TRPM3: variants seen among roughly 807,000 people sequenced by gnomAD.
TRPM3 encodes the protein long transient receptor potential channel 3.
Under a neutral mutation model 181.2 loss-of-function variants are expected in TRPM3, and 77 were observed. The observed-to-expected ratio is 0.42, with a 90% CI of 0.35 to 0.51. TRPM3 has a LOEUF of 0.51. TRPM3 is among the 20% of genes least tolerant of loss of function. TRPM3 has a pLI of 0.01. For missense variants in TRPM3, 1,759 were observed against 2,196.7 expected (o/e 0.80, Z 3.98); for synonymous variants, 745 against 796.4 (o/e 0.94, Z 1.09).
Position 70,619,099 on chromosome 9 carries a change from A to C in TRPM3, c.2130-4T>G. ...CACAGCCAGCTGGCCAAAGTCTCTG[A>C]AAGACAGAATGGGTGGAAGAGTCCT... On this transcript the variant is annotated splice_region_variant and splice_polypyrimidine_tract_variant and intron_variant, in intron 16 of 25. Coordinates refer to ENST00000677713, the MANE Select transcript of TRPM3 (RefSeq NM_001366145.2). 6.2e-7 allele frequency: 1 copy of C among 1,611,572 alleles called. No individual in the cohort carries two copies. Among genetic ancestry groups the C allele is most frequent in the Non-Finnish European group, 8.5e-7 (1 of 1,178,814 alleles).
At chr9:71,299,689 T>G (rs11142794) in intron 1 of TRPM3, among the ~76,000 whole-genome samples, 27,690 of 152,044 alleles carry the variant, frequency 0.18, 2,761 homozygotes, top group Admixed American at 0.27. Context: ...CAAAGAACTT[T>G]CCATGTAAAA....
At chr9:71,393,199 C>A (rs2093105209) in intron 1 of TRPM3, among the ~76,000 whole-genome samples, 1 of 152,056 alleles carries the variant, frequency 6.6e-6, no homozygotes, top group African/African-American at 2.4e-5. Flanking sequence ...GACTTTCAGG[C>A]CTATTGAGGT....
chr9:70,616,127 T>A, intron 17 of TRPM3, 52 bp from the exon 18 acceptor site: 1 of 1,412,926 alleles, frequency 7.1e-7, no homozygotes, highest in Non-Finnish European at 9.5e-7. Context: ...GGATTAAGAT[T>A]AGGGTGGTTG....
At chr9:71,235,308 G>A (rs982426194) in intron 1 of TRPM3, among the ~76,000 whole-genome samples, 4 of 152,168 alleles carry the variant, frequency 2.6e-5, no homozygotes, top group African/African-American at 7.2e-5. Flanking sequence ...TTCTCCAGAA[G>A]TTTACCCTGA....
chr9:70,547,818 G>A (rs2045419849), intron 25 of TRPM3, among the ~76,000 whole-genome samples: 1 of 152,200 alleles, frequency 6.6e-6, no homozygotes, highest in Non-Finnish European at 1.5e-5. Context: ...CACCCAGAAA[G>A]GAACAGGGCC....
chr9:70,619,138 G>T, intron 16 of TRPM3, 43 bp from the exon 17 acceptor site: 1 of 1,555,336 alleles, frequency 6.4e-7, no homozygotes, highest in South Asian at 1.2e-5. Flanking sequence ...GGTCAGCTTG[G>T]AGACTTATAA....
At chr9:71,003,193 TAAAA>T (rs34024667) in intron 1 of TRPM3, among the ~76,000 whole-genome samples, 1 of 129,174 alleles carries the variant, frequency 7.7e-6, no homozygotes, top group Non-Finnish European at 1.7e-5. Context: ...TCCCTTGCCT[TAAAA>T]AAAAAAAAAA....
At chr9:71,315,929 GTTA>G (rs2088545322) in intron 1 of TRPM3, among the ~76,000 whole-genome samples, 1 of 152,162 alleles carries the variant, frequency 6.6e-6, no homozygotes, top group Non-Finnish European at 1.5e-5. Context: ...TTGGGCTATA[GTTA>G]TTGTCATTCT....
intron 1 of TRPM3, among the ~76,000 whole-genome samples, chr9:71,420,741 G>GAGAGAA (rs2093727554): frequency 3.8e-5 from 1 of 26,602 alleles, no homozygotes; most frequent in Admixed American, 3.2e-4. Flanking sequence ...GAGAGAAAGA[G>GAGAGAA]AGAGAAAGAG....
chr9:70,604,964 C>CTTTTTTTTTTTTT lies in TRPM3; in HGVS notation c.2668-1495_2668-1494insAAAAAAAAAAAAA, dbSNP rs5898151. Reference sequence around the variant, plus strand: ...ACCATGCTCAGCTGAATGGATTCTTCTTTTTTTTTGGAGACTGAGTCTCAC... The same window carrying CTTTTTTTTTTTTT: ...ACCATGCTCAGCTGAATGGATTCTTCTTTTTTTTTTTTTTTTTTTTTTGGAGACTGAGTCTCAC... On this transcript the variant is annotated intron_variant, in intron 19 of 25. Coordinates refer to ENST00000677713, the MANE Select transcript of TRPM3 (RefSeq NM_001366145.2). Among the ~76,000 whole-genome samples the CTTTTTTTTTTTTT allele has an allele frequency of 1.5e-4, 20 of 129,940 alleles. 3 individuals are homozygous for CTTTTTTTTTTTTT. The highest frequency in any genetic ancestry group is 2.3e-4 in the East Asian group (1 of 4,334). The allele number at this position is 129,940 out of a possible 152,430, so 85.2% of individuals were successfully genotyped here.
chr9:71,081,086 C>G (rs962316847), intron 1 of TRPM3, among the ~76,000 whole-genome samples: 1 of 152,080 alleles, frequency 6.6e-6, no homozygotes, highest in African/African-American at 2.4e-5. Context: ...AAGTCCAAGA[C>G]CCCCCTCTCC....
At chr9:70,613,591 A>T (rs1308126111) in intron 18 of TRPM3, among the ~76,000 whole-genome samples, 1 of 152,210 alleles carries the variant, frequency 6.6e-6, no homozygotes, top group Non-Finnish European at 1.5e-5. Context: ...ATCAGAGTCA[A>T]GGGAAGGGTC....
intron 1 of TRPM3, among the ~76,000 whole-genome samples, chr9:71,406,474 C>A (rs1389026565): frequency 1.3e-5 from 2 of 152,158 alleles, no homozygotes; most frequent in Admixed American, 6.5e-5. Context: ...TAAGGCCCAC[C>A]TTCCTTTGTA....
chr9:70,657,633 T>A (rs72614622), intron 9 of TRPM3, among the ~76,000 whole-genome samples: 22,924 of 152,040 alleles, frequency 0.15, 2,269 homozygotes, highest in East Asian at 0.39. Flanking sequence ...GATTAAAAAA[T>A]TTTTTTTAAA....
At chr9:70,743,747 T>C (rs991022477) in intron 8 of TRPM3, among the ~76,000 whole-genome samples, 2 of 152,082 alleles carry the variant, frequency 1.3e-5, no homozygotes, top group Admixed American at 1.3e-4. Flanking sequence ...TCCTCCAGTC[T>C]CTAGGAAGAC....
chr9:70,949,814 G>T (rs1056286158), intron 1 of TRPM3, among the ~76,000 whole-genome samples: 1 of 152,180 alleles, frequency 6.6e-6, no homozygotes, highest in Non-Finnish European at 1.5e-5. Flanking sequence ...ACTTGGTGAA[G>T]GTTTCTGGAG....
chr9:70,639,201 A>T lies in TRPM3; in HGVS notation c.1447-7T>A. Reference sequence around the variant, plus strand: ...CTTGCTCCAGAGATCCCACCTGCAAACCAAGTCACTGAGTTAGTCTGCCCC... The same window carrying T: ...CTTGCTCCAGAGATCCCACCTGCAATCCAAGTCACTGAGTTAGTCTGCCCC... On this transcript the variant is annotated splice_polypyrimidine_tract_variant and splice_region_variant and intron_variant, in intron 10 of 25. Coordinates refer to ENST00000677713, the MANE Select transcript of TRPM3 (RefSeq NM_001366145.2). 1 of 1,613,422 alleles carries T rather than the reference A, an allele frequency of 6.2e-7. No individual in the cohort carries two copies. Among genetic ancestry groups the T allele is most frequent in the African/African-American group, 1.3e-5 (1 of 75,004 alleles).
chr9:71,226,611 A>G (rs2080675379), intron 1 of TRPM3, among the ~76,000 whole-genome samples: 1 of 152,112 alleles, frequency 6.6e-6, no homozygotes, highest in South Asian at 2.1e-4. Flanking sequence ...TAAAGGAGTC[A>G]GTTCAGCAGA....
chr9:70,568,260 A>C (rs1193258323), intron 22 of TRPM3, among the ~76,000 whole-genome samples: 1 of 152,198 alleles, frequency 6.6e-6, no homozygotes, highest in Non-Finnish European at 1.5e-5. Context: ...CATGGATCTG[A>C]TATAACAAAT....
Sources: allele counts gnomAD v4.1 joint callset (sites outside exome capture counted in the v4.1 genomes callset), GRCh38; gene constraint gnomAD v4.1.1; transcripts MANE v1.5; gene names NCBI Gene and HGNC (gene_info 2026-07-23, HGNC 2026-07-21).